EIF4A2: variants seen among roughly 807,000 people sequenced by gnomAD.
EIF4A2 encodes the protein eukaryotic initiation factor 4A-II.
In EIF4A2, 9 loss-of-function variants were observed where a neutral mutation model predicts 50.6. The ratio of observed to expected loss-of-function variants is 0.18; its 90% CI spans 0.11 to 0.31. EIF4A2 has a LOEUF of 0.31. Among genes scored for constraint, EIF4A2 ranks in the 10% least tolerant of loss-of-function variants. EIF4A2 has a pLI of 1.00. For synonymous variants in EIF4A2, 215 were observed against 164.4 expected, an observed-to-expected ratio of 1.31 and a Z score of -2.35; for missense variants, 182 against 501.8, an observed-to-expected ratio of 0.36 and a Z score of 6.09.
chr3:186,786,831 C>T (rs780816573), intron 7 of EIF4A2, 186 bp downstream of exon 7: 18 of 942,870 alleles, frequency 1.9e-5, no homozygotes, highest in Admixed American at 8.5e-5. Flanking sequence ...TGTCCTTTGT[C>T]TTAAGATTTG....
At chr3:186,784,920 A>T in intron 3 of EIF4A2, 42 bp from the exon 4 acceptor site, 1 of 1,613,966 alleles carries the variant, frequency 6.2e-7, no homozygotes, top group Non-Finnish European at 8.5e-7. Flanking sequence ...AGAAGTGACA[A>T]TTTGATGTGG....
At chr3:186,785,509 A>T (rs1022516203) in intron 4 of EIF4A2, 1 of 297,992 alleles carries the variant, frequency 3.4e-6, no homozygotes, top group East Asian at 6.5e-5. Flanking sequence ...TGTAGGCTTT[A>T]TTGAGGTCAG....
Position 186,786,504 on chromosome 3 carries a change from T to C in EIF4A2, c.630T>C (p.Val210=), listed in dbSNP as rs371718873. Reference sequence around the variant, plus strand: ...CAACATAATTTTCTCTTTTTAAGGTTGTGTTGCTTTCTGCCACAATGCCAA... The same window carrying C: ...CAACATAATTTTCTCTTTTTAAGGTCGTGTTGCTTTCTGCCACAATGCCAA... ...IFQKLNTSIQ[V]VLLSATMPTD... Residue 210 remains valine, a splice_region_variant and synonymous_variant, in exon 7 of 11, where the codon GTT becomes GTC. Transcript: ENST00000323963. The C allele has an allele frequency of 8.4e-5, 136 of 1,611,640 alleles. No homozygotes were observed. Among genetic ancestry groups the C allele is most frequent in the Non-Finnish European group, 1.1e-4 (134 of 1,179,698 alleles).
intron 6 of EIF4A2, 41 bp downstream of exon 6, chr3:186,786,314 G>A (rs750878467): frequency 4.4e-6 from 7 of 1,583,762 alleles, no homozygotes; most frequent in Non-Finnish European, 5.2e-6. Context: ...TAGAGATGGG[G>A]TTTATTTAAT....
At chr3:186,787,982 A>ATAC in intron 10 of EIF4A2, 100 bp downstream of exon 10, 1 of 1,254,784 alleles carries the variant, frequency 8.0e-7, no homozygotes, top group Non-Finnish European at 1.1e-6. Flanking sequence ...AGATTCAGTA[A>ATAC]AGTCAGTAGT....
At chr3:186,783,771 T>C in intron 1 of EIF4A2, 132 bp downstream of exon 1, 1 of 1,400,512 alleles carries the variant, frequency 7.1e-7, no homozygotes, top group Non-Finnish European at 1.0e-6. Context: ...TCCTGTGCCC[T>C]TCCAGAAGCT....
chr3:186,785,206 C>T lies in EIF4A2; in HGVS notation c.348+105C>T, dbSNP rs1025377577. 170 of 1,505,356 alleles carry T rather than the reference C, an allele frequency of 1.1e-4. 1 individual carries two copies. In the East Asian group the frequency reaches 2.9e-3, roughly 25 times the overall value. The allele number at this position is 1,505,356 out of a possible 1,614,324, so 93.2% of individuals were successfully genotyped here. The stretch of plus-strand genomic sequence containing the variant: ...TAGTATAAATTGGTCCTACCAGATC[C>T]CTCCTTTTAATTGTCCATGCATGCA... On this transcript the variant is annotated intron_variant, in intron 4 of 10. Transcript: ENST00000323963.
In EIF4A2 at chr3:186,784,575, T is replaced by C. The variant is rs1373456934; in HGVS notation, c.87T>C (p.Asn29=). ...DPDGVIESNW[N]EIVDNFDDMN... ...TTTCTAACTTACAGAGCAACTGGAA[T>C]GAGATTGTTGATAACTTTGATGATA... is the stretch of plus-strand genomic sequence containing the variant. The change falls in exon 3 of 11, where the codon AAT becomes AAC. Residue 29 remains asparagine, a synonymous_variant. Transcript: ENST00000323963. The C allele has an allele frequency of 6.2e-7, 1 of 1,613,228 alleles. No individual in the cohort carries two copies.
chr3:186,785,219 G>C (rs1023687025), intron 4 of EIF4A2, 118 bp downstream of exon 4: 22 of 1,435,346 alleles, frequency 1.5e-5, no homozygotes, highest in Admixed American at 4.5e-5. Context: ...CCTTTTAATT[G>C]TCCATGCATG....
At chr3:186,787,752 A>G (rs1488751515) in intron 9 of EIF4A2, 51 bp from the exon 10 acceptor site, 4 of 1,611,260 alleles carry the variant, frequency 2.5e-6, no homozygotes, top group South Asian at 1.1e-5. Flanking sequence ...CCTACATGAC[A>G]GGTGTCAAGT....
chr3:186,787,398 C>T, intron 8 of EIF4A2, 97 bp from the exon 9 acceptor site: 10 of 1,598,580 alleles, frequency 6.3e-6, no homozygotes, highest in Non-Finnish European at 8.6e-6. Context: ...CTGCTATTCT[C>T]CTGTAGCAGC....
At chr3:186,788,936 TC>T (rs1460697005) in intron 10 of EIF4A2, 188 bp from the exon 11 acceptor site, 2 of 692,240 alleles carry the variant, frequency 2.9e-6, no homozygotes, top group African/African-American at 3.7e-5. Flanking sequence ...AAGCCTTGAA[TC>T]CTTTTGGCAC....
At chr3:186,787,946 T>C in intron 10 of EIF4A2, 64 bp downstream of exon 10, 1 of 1,521,080 alleles carries the variant, frequency 6.6e-7, no homozygotes, top group Non-Finnish European at 9.1e-7. Context: ...GTGATTTGTA[T>C]GAAAGGTAAC....
chr3:186,784,189 G>A, intron 1 of EIF4A2: 1 of 582,974 alleles, frequency 1.7e-6, no homozygotes, highest in South Asian at 2.2e-5. Flanking sequence ...CCGAGCTCTC[G>A]CGAGACGCTC....
chr3:186,787,719 T>C (rs1361843811), intron 9 of EIF4A2, 84 bp from the exon 10 acceptor site: 3 of 1,590,502 alleles, frequency 1.9e-6, no homozygotes, highest in Admixed American at 1.7e-5. Context: ...TACCACTTAG[T>C]ATAGTTCGCT....
Position 186,787,862 on chromosome 3 carries a change from T to C in EIF4A2, c.1059T>C (p.Asn353=). The C allele has an allele frequency of 6.2e-7, 1 of 1,613,786 alleles. No individual in the cohort carries two copies. The highest frequency in any genetic ancestry group is 8.5e-7 in the Non-Finnish European group (1 of 1,179,948). The part of the protein sequence containing the change: ...SLVINYDLPT[N]RENYIHRIGR... ...TTATAAATTATGATCTACCTACCAA[T>C]CGTGAAAACTATATTCACAGGTGAG... Residue 353 remains asparagine (N), a synonymous_variant, in exon 10 of 11, where the codon AAT becomes AAC. Coordinates refer to ENST00000323963, the MANE Select transcript of EIF4A2 (RefSeq NM_001967.4).
intron 10 of EIF4A2, chr3:186,788,439 C>A: frequency 4.1e-6 from 5 of 1,230,598 alleles, no homozygotes; most frequent in Non-Finnish European, 5.2e-6. Flanking sequence ...ATTTGTTTTT[C>A]TTTTGTCATG....
intron 1 of EIF4A2, 182 bp downstream of exon 1, chr3:186,783,821 G>A: frequency 3.1e-6 from 3 of 959,106 alleles, no homozygotes; most frequent in South Asian, 1.6e-5. Flanking sequence ...GAGATAGGAC[G>A]GTGGTGCGAA....
intron 1 of EIF4A2, 30 bp from the exon 2 acceptor site, chr3:186,784,402 G>A (rs1048711680): frequency 6.2e-7 from 1 of 1,614,194 alleles, no homozygotes; most frequent in Non-Finnish European, 8.5e-7. Context: ...GCCTGGAAGG[G>A]GTGTCTGACT....
Sources: allele counts gnomAD v4.1 joint callset, GRCh38; gene constraint gnomAD v4.1.1; transcripts MANE v1.5; gene names NCBI Gene and HGNC (gene_info 2026-07-23, HGNC 2026-07-21).